The following PCDHGA8 variants were observed in gnomAD, a reference collection of about 807,000 sequenced individuals.
PCDHGA8 encodes the protein protocadherin gamma-A8.
In PCDHGA8, 45 loss-of-function variants were observed where a neutral mutation model predicts 59.2. That is an observed-to-expected ratio of 0.76 (90% CI 0.60 to 0.98). The LOEUF (loss-of-function observed/expected upper bound fraction) is 0.98. Among genes scored for constraint, PCDHGA8 ranks in the 50% least tolerant of loss-of-function variants. PCDHGA8 has a pLI of 0.00. For missense variants in PCDHGA8, 1,257 were observed against 1,196.2 expected, an observed-to-expected ratio of 1.05 and a Z score of -0.75; for synonymous variants, 531 against 519.0, an observed-to-expected ratio of 1.02 and a Z score of -0.32.
At position 141,466,670 on chromosome 5, in the gene PCDHGA8, G is replaced by C. The variant is rs994949602; in HGVS notation, c.2425-28137G>C. On this transcript the variant is annotated intron_variant, in intron 1 of 3. Transcript: ENST00000398604. ...TTCACAAAACATCAGTGATTTCACC[G>C]TTCTTCCACTCAAGCTTCATCATAA... Among the ~76,000 whole-genome samples, 3 of 152,046 alleles carry C rather than the reference G, an allele frequency of 2.0e-5. No homozygotes were observed. The South Asian group carries it at 6.2e-4, about 32-fold the overall frequency.
chr5:141,416,098 G>A (rs745507614), intron 1 of PCDHGA8: 19 of 160,674 alleles, frequency 1.2e-4, no homozygotes, highest in Non-Finnish European at 8.1e-5. Flanking sequence ...AAGGGCAATA[G>A]GCCTTTTTCA....
Position 141,393,917 on chromosome 5 carries a change from C to T in PCDHGA8, c.1104C>T (p.Phe368=), listed in dbSNP as rs1429211009. The change falls in exon 1 of 4, where the codon TTC becomes TTT. Residue 368 remains phenylalanine (F), a synonymous_variant. Coordinates refer to ENST00000398604, the MANE Select transcript of PCDHGA8 (RefSeq NM_032088.2). Reference sequence around the variant, plus strand: ...CTCTTCCCGGGACAGTAATTGCCTTCTTGAGTGTGCATGACCAAGACTCTG... The same window carrying T: ...CTCTTCCCGGGACAGTAATTGCCTTTTTGAGTGTGCATGACCAAGACTCTG... ...ENSLPGTVIA[F]LSVHDQDSGK... is the part of the protein sequence containing the mutation. The T allele has an allele frequency of 7.4e-6, 12 of 1,613,806 alleles. No individual in the cohort carries two copies. Among genetic ancestry groups the T allele is most frequent in the Non-Finnish European group, 1.7e-6 (2 of 1,179,884 alleles).
intron 1 of PCDHGA8, chr5:141,428,419 CTCTGT>C (rs2097138377): frequency 4.4e-6 from 2 of 451,802 alleles, no homozygotes; most frequent in African/African-American, 2.0e-5. Context: ...TCACCCTGGT[CTCTGT>C]TCTAAGACTA....
intron 1 of PCDHGA8, chr5:141,428,680 G>T: frequency 6.1e-6 from 1 of 162,778 alleles, no homozygotes; most frequent in Admixed American, 5.8e-5. Context: ...ATTTACAAAT[G>T]GATGAGGTTT....
At chr5:141,426,021 A>G (rs1590662256) in intron 1 of PCDHGA8, among the ~76,000 whole-genome samples, 2 of 152,312 alleles carry the variant, frequency 1.3e-5, no homozygotes, top group East Asian at 3.9e-4. Context: ...AGTTTTCTAA[A>G]TAGACTCAGA....
chr5:141,447,135 GT>G (rs905717632), intron 1 of PCDHGA8, among the ~76,000 whole-genome samples: 1 of 151,698 alleles, frequency 6.6e-6, no homozygotes, highest in South Asian at 2.1e-4. Flanking sequence ...TTGTTTGTTT[GT>G]TTTTTGTTTT....
chr5:141,420,920 A>G, intron 1 of PCDHGA8: 1 of 338,894 alleles, frequency 3.0e-6, no homozygotes, highest in Middle Eastern at 8.3e-4. Flanking sequence ...GTGATTCACA[A>G]AGGTGAGCGT....
intron 1 of PCDHGA8, among the ~76,000 whole-genome samples, chr5:141,459,613 C>T (rs1040874685): frequency 2.6e-5 from 4 of 152,188 alleles, no homozygotes; most frequent in African/African-American, 9.7e-5. Context: ...ATATGCTTAA[C>T]TTTATAAGAA....
Position 141,485,063 on chromosome 5 carries a change from A to C in PCDHGA8, c.2425-9744A>C. On this transcript the variant is annotated intron_variant, in intron 1 of 3. Transcript: ENST00000398604. This position sits in a 1 kb window ranked among gnomAD's most constrained non-coding sequence, Gnocchi z 5.7. ...CTTGCGGCGCCGGCCGAACCGCGCC[A>C]GAGCTGGCGCGGGGAAAGGGAGATA... is the stretch of plus-strand genomic sequence containing the variant. 2 of 874,986 alleles carry C rather than the reference A, an allele frequency of 2.3e-6. No individual in the cohort carries two copies. Among genetic ancestry groups the C allele is most frequent in the Non-Finnish European group, 3.6e-6 (2 of 551,278 alleles). 54.2% of individuals were successfully genotyped at this position (874,986 alleles called of 1,614,324 possible).
Position 141,431,199 on chromosome 5 carries a change from C to T in PCDHGA8, c.2424+35962C>T. 1 of 1,614,194 alleles carries T rather than the reference C, an allele frequency of 6.2e-7. No homozygotes were observed. Among genetic ancestry groups the T allele is most frequent in the East Asian group, 2.2e-5 (1 of 44,890 alleles). ...GAAATAAAAATTAGTGAAAATGCAG[C>T]CACTGAGATGCGGTTCCCTCTACCC... On this transcript the variant is annotated intron_variant, in intron 1 of 3. Transcript: ENST00000398604. This position sits in a 1 kb window ranked among gnomAD's most constrained non-coding sequence, Gnocchi z 4.8.
At position 141,398,657 on chromosome 5, in the gene PCDHGA8, G is replaced by A. The variant is rs776950213; in HGVS notation, c.2424+3420G>A. 3.1e-6 allele frequency: 5 copies of A among 1,614,018 alleles called. No individual in the cohort carries two copies. In the South Asian group the frequency reaches 5.5e-5, roughly 18 times the overall value. On this transcript the variant is annotated intron_variant, in intron 1 of 3. Transcript: ENST00000398604. ...AAGTATAAACTCTCTCTTAACCCAA[G>A]TTTCTCATTAATAATTAAGGAGAAA...
intron 1 of PCDHGA8, among the ~76,000 whole-genome samples, chr5:141,459,968 C>T (rs1260233942): frequency 1.3e-5 from 2 of 152,190 alleles, no homozygotes; most frequent in East Asian, 3.8e-4. Context: ...ATCCCAGCTA[C>T]TCAGGAGGCT....
intron 1 of PCDHGA8, chr5:141,430,640 G>A (rs902915974): frequency 1.1e-6 from 1 of 916,196 alleles, no homozygotes; most frequent in East Asian, 2.7e-5. Flanking sequence ...ATCCCTGGGA[G>A]TATGTGGAAA....
At chr5:141,494,161 T>G (rs1420295862) in intron 1 of PCDHGA8, among the ~76,000 whole-genome samples, 3 of 152,052 alleles carry the variant, frequency 2.0e-5, no homozygotes, top group African/African-American at 7.3e-5. Flanking sequence ...TGGCACGGAG[T>G]TCTAGGGGTG....
chr5:141,423,756 GGGGGTGGGGC>G, intron 1 of PCDHGA8: 1 of 448,620 alleles, frequency 2.2e-6, no homozygotes, highest in Non-Finnish European at 3.0e-6. Context: ...TGTTTGGGGG[GGGGGTGGGGC>G]GGCATATATT....
intron 1 of PCDHGA8, among the ~76,000 whole-genome samples, chr5:141,464,162 G>A (rs1030872607): frequency 6.6e-6 from 1 of 151,946 alleles, no homozygotes; most frequent in African/African-American, 2.4e-5. Context: ...CTACTTGGAA[G>A]GCTGAGGCAG....
chr5:141,507,097 A>G (rs1343795018), intron 3 of PCDHGA8: 1 of 152,082 alleles, frequency 6.6e-6, no homozygotes, highest in African/African-American at 2.4e-5. Flanking sequence ...TGCTCTTTCT[A>G]CTATAGGGAC....
chr5:141,489,096 ACT>A lies in PCDHGA8; in HGVS notation c.2425-5710_2425-5709del. The A allele has an allele frequency of 2.0e-6, 1 of 494,278 alleles. No individual in the cohort carries two copies. The allele number at this position is 494,278 out of a possible 1,614,324, so 30.6% of individuals were successfully genotyped here. A position where few individuals can be genotyped will look rare whatever the true frequency, so the allele number is the denominator to read the frequency against. ...CACCCCCGCCACTCGGTGACTAAGA[ACT>A]GCTGCAAGCAGGCAAACCTCCGAGC... On this transcript the variant is annotated intron_variant, in intron 1 of 3. Coordinates refer to ENST00000398604, the MANE Select transcript of PCDHGA8 (RefSeq NM_032088.2). The surrounding 1 kb of genome is among the most constrained non-coding windows in gnomAD (Gnocchi z 4.5).
chr5:141,405,041 G>A (rs1276032851), intron 1 of PCDHGA8: 1 of 1,613,976 alleles, frequency 6.2e-7, no homozygotes, highest in Non-Finnish European at 8.5e-7. Flanking sequence ...CGTTGTGGCT[G>A]TGGCAGTCGT....
Sources: gnomAD v4.1 joint callset for allele counts (sites outside exome capture counted in the v4.1 genomes callset) on GRCh38, gnomAD v4.1.1 for gene constraint, Gnocchi (gnomAD v3.1) non-coding constraint, MANE v1.5 for transcripts, NCBI Gene and HGNC (gene_info 2026-07-23, HGNC 2026-07-21) for gene names.